The following LRRC58 variants were observed in gnomAD, a reference collection of about 807,000 sequenced individuals.
LRRC58 encodes the protein leucine-rich repeat-containing protein 58.
In LRRC58, 18 loss-of-function variants were observed where a neutral mutation model predicts 30.6. The observed-to-expected ratio is 0.59, with a 90% CI of 0.41 to 0.87. The LOEUF (loss-of-function observed/expected upper bound fraction) is 0.87, where lower values mean the gene tolerates loss of function less well. Among genes scored for constraint, LRRC58 ranks in the 40% least tolerant of loss-of-function variants. The probability of loss-of-function intolerance (pLI) is 0.00; values close to 1 mark genes in which losing one functional copy is unlikely to be tolerated. For missense variants in LRRC58, 420 were observed against 468.4 expected (o/e 0.90, Z 0.95); for synonymous variants, 221 against 206.0 (o/e 1.07, Z -0.62).
At chr3:120,340,952 T>G (rs909179519) in intron 1 of LRRC58, among the ~76,000 whole-genome samples, 1 of 152,216 alleles carries the variant, frequency 6.6e-6, no homozygotes, top group African/African-American at 2.4e-5. Context: ...GTATCTCTGA[T>G]CGTGTAAAGC....
intron 1 of LRRC58, among the ~76,000 whole-genome samples, chr3:120,343,828 G>C (rs56048284): frequency 1.3e-5 from 2 of 152,006 alleles, no homozygotes; most frequent in African/African-American, 2.4e-5. Flanking sequence ...TCAGGAGTTC[G>C]AGACCAGCCT....
intron 1 of LRRC58, among the ~76,000 whole-genome samples, chr3:120,337,634 CA>C (rs1418655877): frequency 6.6e-6 from 1 of 152,018 alleles, no homozygotes; most frequent in Admixed American, 6.6e-5. Flanking sequence ...GTTAACTGAG[CA>C]AATTTTTTTT....
In LRRC58 at chr3:120,349,343, T is replaced by C. The variant is rs1485712756; in HGVS notation, c.-100A>G. 8.1e-7 allele frequency: 1 copy of C among 1,238,706 alleles called. No homozygotes were observed. Among genetic ancestry groups the C allele is most frequent in the African/African-American group, 1.6e-5 (1 of 63,078 alleles). The allele number at this position is 1,238,706 out of a possible 1,614,324, so 76.7% of individuals were successfully genotyped here. On this transcript the variant is annotated 5_prime_UTR_variant, in exon 1 of 4. Coordinates refer to ENST00000295628, the MANE Select transcript of LRRC58 (RefSeq NM_001099678.2). ...GCGCCCCGGAACCTGAACCGAGGGC[T>C]GAGTCGGAAGTGGCGCGGGCGGGCG...
chr3:120,330,612 G>A lies in LRRC58; in HGVS notation c.*588C>T, dbSNP rs2107620951. ...TTAATATCTCATGTAAATGTTATAT[G>A]CCTTACTTTACCAGTTAGTTTGTCA... On this transcript the variant is annotated 3_prime_UTR_variant, in exon 4 of 4. Coordinates refer to ENST00000295628, the MANE Select transcript of LRRC58 (RefSeq NM_001099678.2). The A allele has an allele frequency of 6.6e-6, 1 of 152,478 alleles. No homozygotes were observed. The highest frequency in any genetic ancestry group is 1.5e-5 in the Non-Finnish European group (1 of 68,188). 9.4% of individuals were successfully genotyped at this position (152,478 alleles called of 1,614,324 possible). A position where few individuals can be genotyped will look rare whatever the true frequency, so the allele number is the denominator to read the frequency against.
rs1235783724 is a variant in LRRC58, at chr3:120,325,571, A to G, written c.*5629T>C. 6.6e-6 allele frequency: 1 copy of G among 152,232 alleles called. No homozygotes were observed. Among genetic ancestry groups the G allele is most frequent in the African/African-American group, 2.4e-5 (1 of 41,470 alleles). 9.4% of individuals were successfully genotyped at this position (152,232 alleles called of 1,614,324 possible). ...GCCCTGTGAGTGTTCAATAATATGT[A>G]GAGTTCATTAGTGAACTGTTTTTTA... On this transcript the variant is annotated 3_prime_UTR_variant, in exon 4 of 4. Coordinates refer to ENST00000295628, the MANE Select transcript of LRRC58 (RefSeq NM_001099678.2).
At chr3:120,332,950 A>G (rs1020171919) in intron 3 of LRRC58, among the ~76,000 whole-genome samples, 11 of 151,966 alleles carry the variant, frequency 7.2e-5, no homozygotes, top group African/African-American at 2.2e-4. Flanking sequence ...GGGTCTCGCT[A>G]TGTTGCCTAG....
intron 1 of LRRC58, among the ~76,000 whole-genome samples, chr3:120,337,089 T>C (rs528188129): frequency 6.6e-6 from 1 of 152,232 alleles, no homozygotes; most frequent in Non-Finnish European, 1.5e-5. Flanking sequence ...TATGAAGTCC[T>C]GACCCCATCC....
At chr3:120,336,179 C>T (rs1356127282) in intron 1 of LRRC58, among the ~76,000 whole-genome samples, 1 of 151,746 alleles carries the variant, frequency 6.6e-6, no homozygotes, top group Non-Finnish European at 1.5e-5. Context: ...TAATGAAACA[C>T]AAAACAAGGC....
chr3:120,331,144 T>C lies in LRRC58; in HGVS notation c.*56A>G. 2 of 1,451,194 alleles carry C rather than the reference T, an allele frequency of 1.4e-6. No individual in the cohort carries two copies. Among genetic ancestry groups the C allele is most frequent in the Non-Finnish European group, 1.9e-6 (2 of 1,034,258 alleles). The allele number at this position is 1,451,194 out of a possible 1,614,324, so 89.9% of individuals were successfully genotyped here. Reference sequence around the variant, plus strand: ...CTAGTGAACTTCAAGCTCTATTTTCTTGTCTAACCATTTTGCTCAGTTTTT... The same window carrying C: ...CTAGTGAACTTCAAGCTCTATTTTCCTGTCTAACCATTTTGCTCAGTTTTT... On this transcript the variant is annotated 3_prime_UTR_variant, in exon 4 of 4. Transcript: ENST00000295628.
chr3:120,348,124 G>C (rs914869513), intron 1 of LRRC58, among the ~76,000 whole-genome samples: 27 of 152,300 alleles, frequency 1.8e-4, no homozygotes, highest in African/African-American at 6.3e-4. Context: ...AGCTTTTGAA[G>C]GATGATAGGC....
At position 120,325,389 on chromosome 3, in the gene LRRC58, T is replaced by C. The variant is rs1935659372; in HGVS notation, c.*5811A>G. 6.6e-6 allele frequency: 1 copy of C among 152,208 alleles called. No homozygotes were observed. The highest frequency in any genetic ancestry group is 1.5e-5 in the Non-Finnish European group (1 of 68,028). The allele number at this position is 152,208 out of a possible 1,614,324, so 9.4% of individuals were successfully genotyped here. A position where few individuals can be genotyped will look rare whatever the true frequency, so the allele number is the denominator to read the frequency against. ...ACAAGTACATTCTGGTGAATGCAGA[T>C]GTTCTTTCCACCATAGGTTTGTGGT... On this transcript the variant is annotated 3_prime_UTR_variant, in exon 4 of 4. Coordinates refer to ENST00000295628, the MANE Select transcript of LRRC58 (RefSeq NM_001099678.2).
rs895850052 is a variant in LRRC58, at chr3:120,325,607, C to T, written c.*5593G>A. ...GTGAACTGTTTTTTAAATATCAATTCTTAGTAAATATAGACCAAGAAGAGA... is the reference window on the plus strand; with the variant it reads ...GTGAACTGTTTTTTAAATATCAATTTTTAGTAAATATAGACCAAGAAGAGA... On this transcript the variant is annotated 3_prime_UTR_variant, in exon 4 of 4. Transcript: ENST00000295628. 1 of 152,064 alleles carries T rather than the reference C, an allele frequency of 6.6e-6. No homozygotes were observed. The highest frequency in any genetic ancestry group is 2.4e-5 in the African/African-American group (1 of 41,396). 9.4% of individuals were successfully genotyped at this position (152,064 alleles called of 1,614,324 possible). A position where few individuals can be genotyped will look rare whatever the true frequency, so the allele number is the denominator to read the frequency against.
At chr3:120,339,305 T>C (rs1935874026) in intron 1 of LRRC58, among the ~76,000 whole-genome samples, 2 of 152,218 alleles carry the variant, frequency 1.3e-5, no homozygotes, top group Admixed American at 1.3e-4. Context: ...CTTCTCTTCA[T>C]ATCATCTTCT....
At position 120,335,905 on chromosome 3, in the gene LRRC58, T is replaced by C. The variant is rs1343403214; in HGVS notation, c.549A>G (p.Pro183=). Residue 183 remains proline (P), a synonymous_variant, in exon 2 of 4, where the codon CCA becomes CCG. Coordinates refer to ENST00000295628, the MANE Select transcript of LRRC58 (RefSeq NM_001099678.2). The part of the protein sequence containing the change: ...LGGNFIKEIP[P]ELGNLPSLNY... ...TCAGAGAAGGCAGATTTCCTAATTCTGGTGGGATTTCTTTAATGAAATTTC... is the reference window on the plus strand; with the variant it reads ...TCAGAGAAGGCAGATTTCCTAATTCCGGTGGGATTTCTTTAATGAAATTTC... 1.9e-6 allele frequency: 3 copies of C among 1,600,680 alleles called. No homozygotes were observed. The highest frequency in any genetic ancestry group is 1.1e-5 in the South Asian group (1 of 90,746).
chr3:120,340,033 G>C (rs1935885573), intron 1 of LRRC58, among the ~76,000 whole-genome samples: 1 of 144,828 alleles, frequency 6.9e-6, no homozygotes, highest in Non-Finnish European at 1.5e-5. Flanking sequence ...GCTAATTTTT[G>C]TATTTTTAGT....
At chr3:120,331,666 T>C (rs191574378) in intron 3 of LRRC58, among the ~76,000 whole-genome samples, 9 of 152,286 alleles carry the variant, frequency 5.9e-5, no homozygotes, top group African/African-American at 2.2e-4. Flanking sequence ...CCTAGCTTCT[T>C]TTCTCTGGGA....
At chr3:120,332,391 T>C (rs1016235602) in intron 3 of LRRC58, among the ~76,000 whole-genome samples, 1 of 151,516 alleles carries the variant, frequency 6.6e-6, no homozygotes. Context: ...AACCATGTAG[T>C]TTTTTTTTGA....
Position 120,349,178 on chromosome 3 carries a change from G to A in LRRC58, c.66C>T (p.Ser22=), listed in dbSNP as rs1236275637. The part of the protein sequence containing the change: ...GEAELNWSRL[S]VSTETLESEL... ...CAGACTCCAGCGTCTCGGTGGACAC[G>A]CTGAGGCGGGACCAGTTCAGTTCGG... Residue 22 remains serine (S), a synonymous_variant, in exon 1 of 4, where the codon AGC becomes AGT. Transcript: ENST00000295628. The A allele has an allele frequency of 1.7e-5, 26 of 1,493,278 alleles. No individual in the cohort carries two copies. The highest frequency in any genetic ancestry group is 2.3e-5 in the Non-Finnish European group (26 of 1,130,056). 92.5% of individuals were successfully genotyped at this position (1,493,278 alleles called of 1,614,324 possible).
At position 120,349,172 on chromosome 3, in the gene LRRC58, G is replaced by A. The variant is rs1280517439; in HGVS notation, c.72C>T (p.Ser24=). The A allele has an allele frequency of 2.0e-6, 3 of 1,497,804 alleles. No individual in the cohort carries two copies. Among genetic ancestry groups the A allele is most frequent in the South Asian group, 1.3e-5 (1 of 79,892 alleles). The allele number at this position is 1,497,804 out of a possible 1,614,324, so 92.8% of individuals were successfully genotyped here. A position where few individuals can be genotyped will look rare whatever the true frequency, so the allele number is the denominator to read the frequency against. Residue 24 remains serine, a synonymous_variant, in exon 1 of 4, where the codon TCC becomes TCT. Coordinates refer to ENST00000295628, the MANE Select transcript of LRRC58 (RefSeq NM_001099678.2). ...CCAGCTCAGACTCCAGCGTCTCGGT[G>A]GACACGCTGAGGCGGGACCAGTTCA... The part of the protein sequence containing the change: ...AELNWSRLSV[S]TETLESELEA...
Sources: allele counts gnomAD v4.1 joint callset (sites outside exome capture counted in the v4.1 genomes callset), GRCh38; gene constraint gnomAD v4.1.1; transcripts MANE v1.5; gene names NCBI Gene and HGNC (gene_info 2026-07-23, HGNC 2026-07-21).